Variants in MYCBP2 observed in about 807,000 individuals in gnomAD.
MYCBP2 encodes E3 ubiquitin-protein ligase MYCBP2.
A neutral mutation model predicts 525.3 loss-of-function variants in MYCBP2; 120 were observed. The ratio of observed to expected loss-of-function variants is 0.23; its 90% CI spans 0.20 to 0.27. MYCBP2 has a LOEUF of 0.27. Among genes scored for constraint, MYCBP2 ranks in the 10% least tolerant of loss-of-function variants. The probability of loss-of-function intolerance (pLI) is 1.00; values close to 1 mark genes in which losing one functional copy is unlikely to be tolerated. For missense variants in MYCBP2, 4,149 were observed against 5,657.1 expected (o/e 0.73, Z 8.55); for synonymous variants, 1,894 against 1,955.8 (o/e 0.97, Z 0.83).
At chr13:77,133,093 C>T (rs2053178729) in intron 52 of MYCBP2, among the ~76,000 whole-genome samples, 1 of 152,092 alleles carries the variant, frequency 6.6e-6, no homozygotes, top group Non-Finnish European at 1.5e-5. Flanking sequence ...GTTGCTTCAT[C>T]CTTTTATAAC....
chr13:77,279,607 T>C (rs7995708), intron 3 of MYCBP2, among the ~76,000 whole-genome samples: 5,911 of 152,120 alleles, frequency 0.039, 399 homozygotes, highest in African/African-American at 0.13. Flanking sequence ...AACAGAAAAA[T>C]TGAAATAAGA....
At chr13:77,278,506 CA>C (rs1693476098) in intron 4 of MYCBP2, among the ~76,000 whole-genome samples, 1 of 152,152 alleles carries the variant, frequency 6.6e-6, no homozygotes, top group Non-Finnish European at 1.5e-5. Flanking sequence ...GTGTGTGCTT[CA>C]TAAGAGAAGC....
At chr13:77,182,279 T>A (rs2060285031) in intron 32 of MYCBP2, among the ~76,000 whole-genome samples, 1 of 152,202 alleles carries the variant, frequency 6.6e-6, no homozygotes, top group Admixed American at 6.5e-5. Flanking sequence ...GTATTTTCAA[T>A]AAGGACTGAG....
In MYCBP2 at chr13:77,294,104, C is replaced by CTATATATATATATATACATA. The variant is rs1555465425; in HGVS notation, c.378+2494_378+2495insTATGTATATATATATATATA. Among the ~76,000 whole-genome samples, 27 of 41,908 alleles carry CTATATATATATATATACATA rather than the reference C, an allele frequency of 6.4e-4. No individual in the cohort carries two copies. The East Asian group carries it at 7.6e-3, about 12-fold the overall frequency. 27.5% of individuals were successfully genotyped at this position (41,908 alleles called of 152,430 possible). On this transcript the variant is annotated intron_variant, in intron 2 of 82. Transcript: ENST00000544440. ...GATAGCCATAAAGTAGATATAATGG[C>CTATATATATATATATACATA]TATATATATATATATATATATATAT...
chr13:77,174,748 T>C (rs1277014714), intron 36 of MYCBP2, among the ~76,000 whole-genome samples: 2 of 149,490 alleles, frequency 1.3e-5, no homozygotes, highest in East Asian at 4.0e-4. Context: ...GTATCATTAC[T>C]ATCCCTATTT....
intron 41 of MYCBP2, 120 bp downstream of exon 41, chr13:77,166,209 T>G: frequency 1.4e-6 from 1 of 727,042 alleles, no homozygotes; most frequent in Non-Finnish European, 2.2e-6. Flanking sequence ...TCCAGATACA[T>G]AGTAGGTCTT....
chr13:77,288,244 C>G lies in MYCBP2; in HGVS notation c.511G>C (p.Ala171Pro). Residue 171 changes from alanine to proline, a missense_variant, in exon 3 of 83, where the codon GCA (alanine) becomes CCA (proline). By Grantham distance (27) the Ala-to-Pro change is conservative (BLOSUM62 -1). This residue lies in a region of MYCBP2 where 413 missense variants were observed against 451.2 expected (regional missense o/e 0.92). Coordinates refer to ENST00000544440, the MANE Select transcript of MYCBP2 (RefSeq NM_015057.5). ...WQKKEISLAA[A>P]SKNSVQSGES... ...CCACTCTGCACAGAGTTCTTAGATG[C>G]GGCTGCCAATGATATTTCCTTTTTC... 1.2e-6 allele frequency: 2 copies of G among 1,614,132 alleles called. No homozygotes were observed. The highest frequency in any genetic ancestry group is 2.2e-5 in the East Asian group (1 of 44,868).
chr13:77,297,539 T>G (rs1428703264), intron 1 of MYCBP2, among the ~76,000 whole-genome samples: 1 of 152,128 alleles, frequency 6.6e-6, no homozygotes, highest in African/African-American at 2.4e-5. Flanking sequence ...TCCTTAAGAT[T>G]TGGTAACTAA....
rs373484896 is a variant in MYCBP2, at chr13:77,098,915, G to A, written c.8239C>T (p.Arg2747Cys). The change falls in exon 56 of 83, where the codon CGT becomes TGT. Residue 2747 changes from arginine to cysteine, a missense_variant. Transcript: ENST00000544440. ...TGATCAGCAGTAGTCCGGCTCATAC[G>A]TCCATCAGGTTTAAGCGATCTGCTG... Reference protein sequence around the residue: ...KHSRSLKPDGRMSRTTADQKK... With the variant: ...KHSRSLKPDGCMSRTTADQKK... 3.2e-5 allele frequency: 52 copies of A among 1,613,578 alleles called. No homozygotes were observed. The East Asian group carries it at 6.0e-4, about 19-fold the overall frequency.
chr13:77,171,492 C>A lies in MYCBP2; in HGVS notation c.5794G>T (p.Ala1932Ser). 6.2e-7 allele frequency: 1 copy of A among 1,607,428 alleles called. No individual in the cohort carries two copies. Among genetic ancestry groups the A allele is most frequent in the South Asian group, 1.1e-5 (1 of 89,674 alleles). Residue 1932 changes from alanine (A) to serine (S), a missense_variant and splice_region_variant, in exon 38 of 83, where the codon GCT becomes TCT. Ala to Ser is a moderately conservative substitution (Grantham distance 99). This residue lies in a region of MYCBP2 where 692 missense variants were observed against 852.7 expected (regional missense o/e 0.81). Coordinates refer to ENST00000544440, the MANE Select transcript of MYCBP2 (RefSeq NM_015057.5). ...ACTACTGAGAAAGAAAAAATATTACCATCCACAGCAAGAGCTCTGTGCAGG... is the reference window on the plus strand; with the variant it reads ...ACTACTGAGAAAGAAAAAATATTACAATCCACAGCAAGAGCTCTGTGCAGG... ...DLLHRALAVD[A>S]DDIPELLSSS...
chr13:77,204,273 T>A (rs1304804422), intron 26 of MYCBP2, among the ~76,000 whole-genome samples: 1 of 151,942 alleles, frequency 6.6e-6, no homozygotes, highest in East Asian at 1.9e-4. Context: ...AAGACATTTA[T>A]GCAGCCAAAA....
chr13:77,281,508 T>C (rs2076186184), intron 3 of MYCBP2, among the ~76,000 whole-genome samples: 1 of 152,154 alleles, frequency 6.6e-6, no homozygotes, highest in African/African-American at 2.4e-5. Flanking sequence ...AACACATGCT[T>C]TCGCACTTCT....
chr13:77,113,365 T>C (rs928427186), intron 55 of MYCBP2, among the ~76,000 whole-genome samples: 4 of 152,158 alleles, frequency 2.6e-5, no homozygotes, highest in African/African-American at 7.2e-5. Context: ...AACTAGGTTG[T>C]ATCTCTTAAA....
At chr13:77,245,322 A>G (rs1293294620) in intron 15 of MYCBP2, among the ~76,000 whole-genome samples, 1 of 152,192 alleles carries the variant, frequency 6.6e-6, no homozygotes, top group Non-Finnish European at 1.5e-5. Flanking sequence ...TTATTTCATC[A>G]TTATTCACAA....
chr13:77,126,617 C>G, intron 52 of MYCBP2, 75 bp from the exon 53 acceptor site: 1 of 1,114,810 alleles, frequency 9.0e-7, no homozygotes, highest in Non-Finnish European at 1.3e-6. Context: ...CTATTAATAG[C>G]TTTTATAGCA....
intron 82 of MYCBP2, among the ~76,000 whole-genome samples, 159 bp downstream of exon 82, chr13:77,050,838 C>T (rs1243062534): frequency 6.6e-6 from 1 of 152,160 alleles, no homozygotes; most frequent in Non-Finnish European, 1.5e-5. Flanking sequence ...CTAATTCACC[C>T]AGAAAGTCAT....
rs17694524 is a variant in MYCBP2 at position 77,298,248 on chromosome 13, C to T, written c.303-1574G>A. ...TCCCTCTTCCTGAAATTCTCTACCA[C>T]GTCTTCTCCTGCTAACCACTACTTA... On this transcript the variant is annotated intron_variant, in intron 1 of 82. Coordinates refer to ENST00000544440, the MANE Select transcript of MYCBP2 (RefSeq NM_015057.5). Among the ~76,000 whole-genome samples the T allele has an allele frequency of 7.7e-3, 1,169 of 152,340 alleles. 14 individuals carry two copies. Among genetic ancestry groups the T allele is most frequent in the Middle Eastern group, 0.02 (6 of 294 alleles).
chr13:77,226,191 T>C (rs1174816184), intron 18 of MYCBP2, among the ~76,000 whole-genome samples: 1 of 152,174 alleles, frequency 6.6e-6, no homozygotes. Flanking sequence ...CTGTCCCCAA[T>C]CACTACCCTC....
chr13:77,228,141 A>G (rs977968500), intron 18 of MYCBP2, among the ~76,000 whole-genome samples: 1 of 152,118 alleles, frequency 6.6e-6, no homozygotes, highest in African/African-American at 2.4e-5. Flanking sequence ...TTTATCAAAG[A>G]AAAAAGGCAC....
Sources: allele counts gnomAD v4.1 joint callset (sites outside exome capture counted in the v4.1 genomes callset), GRCh38; gene constraint gnomAD v4.1.1; regional missense constraint gnomAD v4.1.1; transcripts MANE v1.5; gene names NCBI Gene and HGNC (gene_info 2026-07-23, HGNC 2026-07-21).